The following TTC6 variants were observed in gnomAD, a reference collection of about 807,000 sequenced individuals.
TTC6 encodes tetratricopeptide repeat protein 6.
Under a neutral mutation model 210.4 loss-of-function variants are expected in TTC6, and 172 were observed. The observed-to-expected ratio is 0.82, with a 90% CI of 0.72 to 0.93. The LOEUF is 0.93. Ranked by LOEUF, TTC6 falls within the 40% of genes least tolerant of loss-of-function variation. The pLI, the probability that TTC6 is intolerant of heterozygous loss-of-function variation, is 0.00. For synonymous variants in TTC6, 804 were observed against 819.6 expected (o/e 0.98, Z 0.32); for missense variants, 2,414 against 2,318.1 (o/e 1.04, Z -0.85).
chr14:37,827,906 C>T (rs2096176021), intron 29 of TTC6: 1 of 152,356 alleles, frequency 6.6e-6, no homozygotes, highest in African/African-American at 2.4e-5. Context: ...AGTGAGCATC[C>T]AGTAAACATC....
chr14:37,837,530 G>A, intron 29 of TTC6: 1 of 406,898 alleles, frequency 2.5e-6, no homozygotes. Flanking sequence ...AGTTCATGGA[G>A]TATTGCCTAA....
intron 26 of TTC6, among the ~76,000 whole-genome samples, chr14:37,821,148 A>C (rs1414772003): frequency 6.6e-6 from 1 of 151,408 alleles, no homozygotes; most frequent in African/African-American, 2.4e-5. Flanking sequence ...GCTCACTGCA[A>C]CCTTTGCCTC....
At chr14:37,784,313 G>C (rs1333890545) in intron 14 of TTC6, among the ~76,000 whole-genome samples, 1 of 152,088 alleles carries the variant, frequency 6.6e-6, no homozygotes, top group Non-Finnish European at 1.5e-5. Flanking sequence ...TCCTGTATTG[G>C]GTACATATAT....
At chr14:37,680,282 C>A (rs1484617863) in intron 2 of TTC6, 21 bp downstream of exon 4, 1 of 1,409,032 alleles carries the variant, frequency 7.1e-7, no homozygotes, top group Admixed American at 2.3e-5. Flanking sequence ...TAATAAAAAT[C>A]CTCCTTGCCT....
chr14:37,683,712 A>G (rs546547842), intron 3 of TTC6, among the ~76,000 whole-genome samples: 1 of 151,860 alleles, frequency 6.6e-6, no homozygotes, highest in African/African-American at 2.4e-5. Flanking sequence ...AAAGAGCATA[A>G]TGTATATAAG....
chr14:37,630,241 A>G (rs1566850649), intron 1 of TTC6, among the ~76,000 whole-genome samples: 1 of 152,070 alleles, frequency 6.6e-6, no homozygotes, highest in East Asian at 1.9e-4. Context: ...CCCTGTAAAC[A>G]CTGCTTTAGC....
intron 24 of TTC6, among the ~76,000 whole-genome samples, chr14:37,809,057 A>G (rs1212529465): frequency 2.0e-5 from 3 of 152,216 alleles, no homozygotes; most frequent in Non-Finnish European, 2.9e-5. Flanking sequence ...ATAAAACTTA[A>G]GAAACCAAAG....
chr14:37,624,661 G>A lies in TTC6; in HGVS notation c.939+1658G>A, dbSNP rs140148547. ...TTTTTTGACGGAGTTTTGCTCTGTC[G>A]CTCAGGCTGGAGTGCAGTAGTGTGG... On this transcript the variant is annotated intron_variant, in intron 1 of 30. Transcript: ENST00000553443. Among the ~76,000 whole-genome samples the A allele has an allele frequency of 7.3e-5, 11 of 151,508 alleles. No individual in the cohort carries two copies. In the East Asian group the frequency reaches 9.7e-4, roughly 13 times the overall value.
intron 20 of TTC6, among the ~76,000 whole-genome samples, chr14:37,803,969 T>G (rs1235215428): frequency 3.9e-5 from 6 of 152,014 alleles, no homozygotes; most frequent in Non-Finnish European, 8.8e-5. Context: ...TAACAAGTAT[T>G]TGTCTTTCTA....
intron 23 of TTC6, 139 bp from the exon 26 acceptor site, chr14:37,808,594 T>C: frequency 2.1e-6 from 1 of 465,494 alleles, no homozygotes; most frequent in Non-Finnish European, 3.9e-6. Flanking sequence ...TTAGCTTCAA[T>C]GTCTTAATTT....
intron 17 of TTC6, among the ~76,000 whole-genome samples, chr14:37,792,826 G>A (rs2096083523): frequency 6.6e-6 from 1 of 150,676 alleles, no homozygotes; most frequent in Admixed American, 6.6e-5. Context: ...GTGTACAGGT[G>A]AGTAAGTAGG....
At chr14:37,807,038 G>A (rs1212319844) in intron 22 of TTC6, among the ~76,000 whole-genome samples, 2 of 152,034 alleles carry the variant, frequency 1.3e-5, no homozygotes, top group Non-Finnish European at 2.9e-5. Context: ...TTGGGGTAAA[G>A]TATTACCATA....
exon 31 of TTC6, chr14:37,842,257 CACTTGATCTTGA>C (rs775824939): frequency 6.2e-6 from 10 of 1,607,016 alleles, no homozygotes; most frequent in Non-Finnish European, 7.6e-6. Flanking sequence ...TATAACCAAG[CACTTGATCTTGA>C]AGACTATGCC....
intron 1 of TTC6, among the ~76,000 whole-genome samples, chr14:37,597,566 G>GA (rs1031006428): frequency 3.1e-4 from 47 of 150,920 alleles, no homozygotes; most frequent in African/African-American, 7.3e-4. Context: ...ATTGACTTAA[G>GA]AAAAAAAAAT....
chr14:37,717,213 A>G (rs1358672195), intron 6 of TTC6, among the ~76,000 whole-genome samples: 1 of 152,004 alleles, frequency 6.6e-6, no homozygotes, highest in African/African-American at 2.4e-5. Context: ...AAGGAATAAA[A>G]GCAGAAATCA....
chr14:37,778,021 T>C (rs1362373970), intron 14 of TTC6, among the ~76,000 whole-genome samples: 2 of 152,134 alleles, frequency 1.3e-5, no homozygotes, highest in Non-Finnish European at 2.9e-5. Flanking sequence ...GACCACTGGC[T>C]ACAACACTTT....
At chr14:37,596,340 A>G (rs2095604507) in intron 1 of TTC6, among the ~76,000 whole-genome samples, 1 of 152,278 alleles carries the variant, frequency 6.6e-6, no homozygotes, top group Non-Finnish European at 1.5e-5. Context: ...CTGCACTGCG[A>G]AAGAGATGCC....
chr14:37,787,889 C>CTGTGTGTGTGTGTG (rs3062823), intron 15 of TTC6, among the ~76,000 whole-genome samples: 66 of 147,316 alleles, frequency 4.5e-4, no homozygotes, highest in African/African-American at 1.6e-3. Flanking sequence ...GTGTGTGTGT[C>CTGTGTGTGTGTGTG]TGTGTGTGTG....
intron 14 of TTC6, among the ~76,000 whole-genome samples, chr14:37,769,031 A>C (rs888235683): frequency 3.7e-4 from 56 of 152,258 alleles, no homozygotes; most frequent in African/African-American, 1.2e-3. Context: ...AATTTTGTCA[A>C]AGGCCTTTTC....
Sources: allele counts gnomAD v4.1 joint callset (sites outside exome capture counted in the v4.1 genomes callset), GRCh38; gene constraint gnomAD v4.1.1; transcripts MANE v1.5; gene names NCBI Gene and HGNC (gene_info 2026-07-23, HGNC 2026-07-21).